STK38L: variants seen among roughly 807,000 people sequenced by gnomAD.
The protein encoded by STK38L is serine/threonine-protein kinase 38-like.
A neutral mutation model predicts 59.7 loss-of-function variants in STK38L; 28 were observed. The ratio of observed to expected loss-of-function variants is 0.47; its 90% CI spans 0.35 to 0.64. The LOEUF (loss-of-function observed/expected upper bound fraction) is 0.64, where lower values mean the gene tolerates loss of function less well. STK38L is among the 30% of genes least tolerant of loss of function. STK38L has a pLI of 0.01. For synonymous variants in STK38L, 162 were observed against 176.8 expected (o/e 0.92, Z 0.66); for missense variants, 314 against 555.8 (o/e 0.56, Z 4.37).
Position 27,315,002 on chromosome 12 carries a change from G to A in STK38L, c.673-13G>A, listed in dbSNP as rs771806868. On this transcript the variant is annotated splice_polypyrimidine_tract_variant and intron_variant, in intron 7 of 13. Transcript: ENST00000389032. ...AAGTTAATATGATCTAATTTTACTG[G>A]ATTTTTTTTTAGGGTCATGTAAAAT... 2 of 1,579,044 alleles carry A rather than the reference G, an allele frequency of 1.3e-6. No individual in the cohort carries two copies. Among genetic ancestry groups the A allele is most frequent in the Non-Finnish European group, 1.7e-6 (2 of 1,159,132 alleles).
At chr12:27,296,565 T>G (rs530365381) in intron 1 of STK38L, among the ~76,000 whole-genome samples, 5 of 152,360 alleles carry the variant, frequency 3.3e-5, no homozygotes, top group African/African-American at 9.6e-5. Flanking sequence ...CTGTATCTTC[T>G]TTACTTAAAG....
In STK38L at chr12:27,325,653, T is replaced by A. The variant is rs1828839539; in HGVS notation, c.*3198T>A. 6.6e-6 allele frequency: 1 copy of A among 152,188 alleles called. No individual in the cohort carries two copies. Among genetic ancestry groups the A allele is most frequent in the African/African-American group, 2.4e-5 (1 of 41,440 alleles). 9.4% of individuals were successfully genotyped at this position (152,188 alleles called of 1,614,324 possible). A position where few individuals can be genotyped will look rare whatever the true frequency, so the allele number is the denominator to read the frequency against. On this transcript the variant is annotated 3_prime_UTR_variant, in exon 14 of 14. Coordinates refer to ENST00000389032, the MANE Select transcript of STK38L (RefSeq NM_015000.4). ...ACTTTCTCTTTAGAAGTGCACTTAT[T>A]TCTGAAAAATCTTAATGAAACAAAC...
At chr12:27,287,736 A>T (rs1943805583) in intron 1 of STK38L, among the ~76,000 whole-genome samples, 1 of 151,860 alleles carries the variant, frequency 6.6e-6, no homozygotes, top group South Asian at 2.1e-4. Context: ...TGCATTTTGG[A>T]GTGAAATGAA....
intron 1 of STK38L, among the ~76,000 whole-genome samples, chr12:27,265,002 T>C (rs1182154541): frequency 6.6e-6 from 1 of 152,204 alleles, no homozygotes; most frequent in Non-Finnish European, 1.5e-5. Context: ...CCAAGGCAGA[T>C]GCAAGGACTG....
At chr12:27,292,661 C>G (rs888653024) in intron 1 of STK38L, among the ~76,000 whole-genome samples, 5 of 152,134 alleles carry the variant, frequency 3.3e-5, no homozygotes, top group African/African-American at 1.2e-4. Flanking sequence ...GCTTTCATTA[C>G]AAAGATAAAT....
intron 1 of STK38L, among the ~76,000 whole-genome samples, chr12:27,271,128 A>T (rs1943414195): frequency 6.6e-6 from 1 of 152,232 alleles, no homozygotes. Flanking sequence ...GAGAAAACCA[A>T]GGCGCAGGCA....
At chr12:27,286,225 G>A (rs1943769619) in intron 1 of STK38L, among the ~76,000 whole-genome samples, 2 of 152,070 alleles carry the variant, frequency 1.3e-5, no homozygotes, top group South Asian at 4.2e-4. Flanking sequence ...TCTAAGTGCT[G>A]AAAAGTGCAA....
Position 27,315,370 on chromosome 12 carries a change from A to G in STK38L, c.837+20A>G. ...CAACTGGTGAGTCAACCAGTTTTTAAGAGAATTTTATGCCTTGGTTCTAAA... is the reference window on the plus strand; with the variant it reads ...CAACTGGTGAGTCAACCAGTTTTTAGGAGAATTTTATGCCTTGGTTCTAAA... On this transcript the variant is annotated intron_variant, in intron 9 of 13. Transcript: ENST00000389032. 2.5e-6 allele frequency: 4 copies of G among 1,605,016 alleles called. No homozygotes were observed. Among genetic ancestry groups the G allele is most frequent in the East Asian group, 2.2e-5 (1 of 44,602 alleles).
intron 1 of STK38L, among the ~76,000 whole-genome samples, chr12:27,249,057 T>C (rs1238937341): frequency 1.3e-5 from 2 of 152,224 alleles, no homozygotes; most frequent in Non-Finnish European, 2.9e-5. Context: ...TGAGTAGGTC[T>C]ATCAAAAGAA....
chr12:27,245,381 G>A (rs960573892), intron 1 of STK38L, among the ~76,000 whole-genome samples: 1 of 152,196 alleles, frequency 6.6e-6, no homozygotes, highest in Non-Finnish European at 1.5e-5. Flanking sequence ...TTTAAGTTCT[G>A]CCTCTTGATT....
At chr12:27,320,381 C>G (rs1449323555) in intron 12 of STK38L, among the ~76,000 whole-genome samples, 2 of 151,852 alleles carry the variant, frequency 1.3e-5, no homozygotes, top group South Asian at 2.1e-4. Context: ...ATCCCCCCAC[C>G]TCATCCCCGC....
intron 1 of STK38L, chr12:27,245,778 G>A (rs1233964083): frequency 6.6e-6 from 1 of 152,028 alleles, no homozygotes; most frequent in Non-Finnish European, 1.5e-5. Flanking sequence ...ACTTCCATCT[G>A]AAAAATCCTG....
At position 27,277,938 on chromosome 12, in the gene STK38L, G is replaced by A. The variant is rs144697206; in HGVS notation, c.-11-19772G>A. On this transcript the variant is annotated intron_variant, in intron 1 of 13. Coordinates refer to ENST00000389032, the MANE Select transcript of STK38L (RefSeq NM_015000.4). ...CTTCCAAGTGGACTAGTAAATTTCC[G>A]TGATGTCAGGAAACTGGGTGGAGTT... Among the ~76,000 whole-genome samples the A allele has an allele frequency of 2.8e-3, 420 of 152,252 alleles. 2 individuals carry two copies. Among genetic ancestry groups the A allele is most frequent in the African/African-American group, 9.3e-3 (387 of 41,536 alleles).
intron 1 of STK38L, among the ~76,000 whole-genome samples, chr12:27,286,090 CT>C (rs1403922194): frequency 6.6e-6 from 1 of 152,092 alleles, no homozygotes; most frequent in Non-Finnish European, 1.5e-5. Flanking sequence ...TCTGATTTGT[CT>C]TTAGTTTTGT....
At chr12:27,266,456 C>T (rs1943317634) in intron 1 of STK38L, among the ~76,000 whole-genome samples, 3 of 152,176 alleles carry the variant, frequency 2.0e-5, no homozygotes, top group Non-Finnish European at 4.4e-5. Context: ...ATCTAAGACC[C>T]TCTCCCTGTC....
chr12:27,312,297 A>G (rs1178557543), intron 5 of STK38L, among the ~76,000 whole-genome samples: 1 of 152,190 alleles, frequency 6.6e-6, no homozygotes, highest in Non-Finnish European at 1.5e-5. Context: ...TTCTTGCTCT[A>G]CCTCAGAGGC....
chr12:27,276,563 G>A (rs758066850), intron 1 of STK38L, among the ~76,000 whole-genome samples: 1 of 152,122 alleles, frequency 6.6e-6, no homozygotes, highest in African/African-American at 2.4e-5. Context: ...AGGAAGAAAA[G>A]CAATGGTGAT....
At chr12:27,248,871 A>G (rs1048877879) in intron 1 of STK38L, among the ~76,000 whole-genome samples, 1 of 152,232 alleles carries the variant, frequency 6.6e-6, no homozygotes, top group Admixed American at 6.5e-5. Flanking sequence ...TTTTTGAAAC[A>G]TACCTTAAAT....
chr12:27,301,545 C>T (rs1325007924), intron 2 of STK38L, among the ~76,000 whole-genome samples: 1 of 152,212 alleles, frequency 6.6e-6, no homozygotes. Flanking sequence ...CAGGCGTGAG[C>T]CACCGCACCC....
Sources: gnomAD v4.1 joint callset for allele counts (sites outside exome capture counted in the v4.1 genomes callset) on GRCh38, gnomAD v4.1.1 for gene constraint, MANE v1.5 for transcripts, NCBI Gene and HGNC (gene_info 2026-07-23, HGNC 2026-07-21) for gene names.